Variants in DIP2C observed in about 807,000 individuals in gnomAD.
DIP2C encodes disco-interacting protein 2 homolog C.
DIP2C carries 33 observed loss-of-function variants against 192.4 expected under a neutral mutation model. The ratio of observed to expected loss-of-function variants is 0.17; its 90% CI spans 0.13 to 0.23. The LOEUF (loss-of-function observed/expected upper bound fraction) is 0.23. Ranked by LOEUF, DIP2C falls within the 10% of genes least tolerant of loss-of-function variation. The pLI, the probability that DIP2C is intolerant of heterozygous loss-of-function variation, is 1.00. For synonymous variants in DIP2C, 979 were observed against 864.1 expected (o/e 1.13, Z -2.33); for missense variants, 1,537 against 2,110.1 (o/e 0.73, Z 5.32).
intron 26 of DIP2C, 156 bp from the exon 27 acceptor site, chr10:345,266 G>C: frequency 3.9e-6 from 3 of 778,144 alleles, no homozygotes; most frequent in Admixed American, 2.0e-5. Context: ...AGGTAGGACA[G>C]AGCTAGGAGT....
At chr10:618,218 G>A (rs1853601859) in intron 1 of DIP2C, among the ~76,000 whole-genome samples, 1 of 152,314 alleles carries the variant, frequency 6.6e-6, no homozygotes, top group African/African-American at 2.4e-5. Flanking sequence ...ATTTTCTTAT[G>A]TATGGTCAAA....
intron 29 of DIP2C, among the ~76,000 whole-genome samples, chr10:330,455 T>G (rs1315420389): frequency 6.6e-6 from 1 of 152,154 alleles, no homozygotes; most frequent in Non-Finnish European, 1.5e-5. Context: ...TCACAATAGA[T>G]ACCATACATT....
rs1342264695 is a variant in DIP2C, at chr10:276,679, A to G, written c.*646T>C. 6.5e-6 allele frequency: 1 copy of G among 152,708 alleles called. No individual in the cohort carries two copies. Among genetic ancestry groups the G allele is most frequent in the Non-Finnish European group, 1.5e-5 (1 of 68,078 alleles). 9.5% of individuals were successfully genotyped at this position (152,708 alleles called of 1,614,324 possible). On this transcript the variant is annotated 3_prime_UTR_variant, in exon 37 of 37. Coordinates refer to ENST00000280886, the MANE Select transcript of DIP2C (RefSeq NM_014974.3). ...AAGATATTTGCAAGATAATTGCCGA[A>G]ATACACCTTATTTATAATTTCTTCT...
intron 1 of DIP2C, among the ~76,000 whole-genome samples, chr10:608,241 C>A (rs1465004419): frequency 1.8e-4 from 4 of 21,722 alleles, no homozygotes; most frequent in African/African-American, 3.9e-4. Flanking sequence ...ACAGCCCCCC[C>A]CACACACACC....
chr10:538,333 G>A (rs1847805215), intron 1 of DIP2C, among the ~76,000 whole-genome samples: 1 of 151,576 alleles, frequency 6.6e-6, no homozygotes, highest in South Asian at 2.1e-4. Context: ...GTTCTTTTTT[G>A]TAGAGATGGG....
chr10:583,203 A>G (rs1850775781), intron 1 of DIP2C, among the ~76,000 whole-genome samples: 1 of 152,150 alleles, frequency 6.6e-6, no homozygotes, highest in Non-Finnish European at 1.5e-5. Flanking sequence ...CTCCAAGTGC[A>G]TCTGCAAACG....
chr10:468,406 T>G (rs558458581), intron 3 of DIP2C, among the ~76,000 whole-genome samples: 40 of 152,160 alleles, frequency 2.6e-4, no homozygotes, highest in African/African-American at 9.6e-4. Flanking sequence ...CACCTGAGAC[T>G]TCACAGGCAA....
chr10:380,110 T>TG (rs1962208679), intron 17 of DIP2C, among the ~76,000 whole-genome samples: 1 of 151,510 alleles, frequency 6.6e-6, no homozygotes, highest in South Asian at 2.1e-4. Context: ...AGGCTGTCCC[T>TG]GGAAGATGGT....
At chr10:567,977 G>A (rs1849548877) in intron 1 of DIP2C, among the ~76,000 whole-genome samples, 1 of 151,722 alleles carries the variant, frequency 6.6e-6, no homozygotes, top group Non-Finnish European at 1.5e-5. Context: ...CCCATCCCAG[G>A]ACATCCACGT....
At chr10:463,178 G>A (rs1455035547) in intron 3 of DIP2C, among the ~76,000 whole-genome samples, 1 of 152,010 alleles carries the variant, frequency 6.6e-6, no homozygotes. Context: ...AGAAAGAAAG[G>A]GTATTCAAAT....
chr10:372,861 C>T (rs1961156472), intron 17 of DIP2C, among the ~76,000 whole-genome samples: 1 of 151,576 alleles, frequency 6.6e-6, no homozygotes, highest in Non-Finnish European at 1.5e-5. Context: ...CCCCACCTCC[C>T]CACAGACGTG....
intron 1 of DIP2C, among the ~76,000 whole-genome samples, chr10:571,645 G>C (rs1849822876): frequency 6.6e-6 from 1 of 152,174 alleles, no homozygotes; most frequent in Admixed American, 6.5e-5. Context: ...TTATTGCAAT[G>C]ATTATTCTTA....
At position 685,380 on chromosome 10, in the gene DIP2C, T is replaced by G. The variant is rs556152742; in HGVS notation, c.85+4114A>C. 1.3e-4 allele frequency among the ~76,000 whole-genome samples: 20 copies of G among 151,922 alleles called. 1 individual carries two copies. In the South Asian group the frequency reaches 3.9e-3, roughly 30 times the overall value. On this transcript the variant is annotated intron_variant, in intron 1 of 36. Transcript: ENST00000280886. The stretch of plus-strand genomic sequence containing the variant: ...CTACATTAACTAGCAGAGCAGAGCA[T>G]GGAGGATGGAGTCAGTGGGCATGGA...
At chr10:440,507 A>G (rs1010622794) in intron 4 of DIP2C, among the ~76,000 whole-genome samples, 9 of 152,224 alleles carry the variant, frequency 5.9e-5, no homozygotes, top group African/African-American at 2.2e-4. Context: ...ATTTATATGA[A>G]GATTTGAGAA....
chr10:545,346 T>C (rs1210949337), intron 1 of DIP2C, among the ~76,000 whole-genome samples: 1 of 151,968 alleles, frequency 6.6e-6, no homozygotes, highest in African/African-American at 2.4e-5. Context: ...TTTGTAGTTT[T>C]AGTAGAGATG....
rs149096071 is a variant in DIP2C, at chr10:481,328, A to G, written c.157+5131T>C. Among the ~76,000 whole-genome samples the G allele has an allele frequency of 4.6e-5, 7 of 152,344 alleles. No homozygotes were observed. In the East Asian group the frequency reaches 1.3e-3, roughly 29 times the overall value. On this transcript the variant is annotated intron_variant, in intron 2 of 36. Transcript: ENST00000280886. ...CAAAGTGCAAAATTCACAAATGCCA[A>G]CTGCAGGGACCTCCTCCCTCACAAC... is the stretch of plus-strand genomic sequence containing the variant.
chr10:468,704 G>A (rs1018983142), intron 3 of DIP2C, among the ~76,000 whole-genome samples: 11 of 152,076 alleles, frequency 7.2e-5, no homozygotes, highest in Admixed American at 3.9e-4. Flanking sequence ...AGTTTGTGGC[G>A]TGACCTGTGT....
intron 4 of DIP2C, among the ~76,000 whole-genome samples, chr10:438,140 T>C (rs1967420877): frequency 3.3e-5 from 5 of 152,226 alleles, no homozygotes; most frequent in Admixed American, 2.0e-4. Context: ...TTCACAAAAA[T>C]AACATTTCAA....
chr10:331,723 T>C (rs1404264339), intron 29 of DIP2C, among the ~76,000 whole-genome samples: 1 of 152,208 alleles, frequency 6.6e-6, no homozygotes, highest in Non-Finnish European at 1.5e-5. Flanking sequence ...ACCTATCTCC[T>C]CCGTGGACAC....
Sources: allele counts gnomAD v4.1 joint callset (sites outside exome capture counted in the v4.1 genomes callset), GRCh38; gene constraint gnomAD v4.1.1; transcripts MANE v1.5; gene names NCBI Gene and HGNC (gene_info 2026-07-23, HGNC 2026-07-21).